The following PPP4R3B variants were observed in gnomAD, a reference collection of about 807,000 sequenced individuals.
PPP4R3B encodes the protein protein phosphatase 4 regulatory subunit 3B, also known as serine/threonine-protein phosphatase 4 regulatory subunit 3B.
PPP4R3B carries 52 observed loss-of-function variants against 95.4 expected under a neutral mutation model. The observed-to-expected ratio is 0.54, with a 90% confidence interval of 0.44 to 0.69. PPP4R3B has a LOEUF of 0.69. PPP4R3B is among the 30% of genes least tolerant of loss of function. The pLI, the probability that PPP4R3B is intolerant of heterozygous loss-of-function variation, is 0.00. For synonymous variants in PPP4R3B, 407 were observed against 343.9 expected (o/e 1.18, Z -2.03); for missense variants, 1,003 against 1,005.9 (o/e 1.00, Z 0.04).
At chr2:55,589,035 T>TA in intron 4 of PPP4R3B, 79 bp from the exon 5 acceptor site, 1 of 860,150 alleles carries the variant, frequency 1.2e-6, no homozygotes, top group Middle Eastern at 3.4e-4. Context: ...ACACAAATTA[T>TA]AAAAAATAGT....
At position 55,580,040 on chromosome 2, in the gene PPP4R3B, A is replaced by G. The variant is rs190886952; in HGVS notation, c.1366-259T>C. On this transcript the variant is annotated intron_variant, in intron 8 of 16. Transcript: ENST00000616407. ...AAATTAAGTCTACTTCATATTATGTACTAAGTAAAAATGAAGGCAAGATAA... is the reference window on the plus strand; with the variant it reads ...AAATTAAGTCTACTTCATATTATGTGCTAAGTAAAAATGAAGGCAAGATAA... Among the ~76,000 whole-genome samples the G allele has an allele frequency of 7.2e-5, 11 of 152,284 alleles. No individual in the cohort carries two copies. In the East Asian group the frequency reaches 2.1e-3, roughly 29 times the overall value.
intron 2 of PPP4R3B, among the ~76,000 whole-genome samples, chr2:55,610,803 T>C (rs894385493): frequency 1.3e-5 from 2 of 152,058 alleles, no homozygotes; most frequent in African/African-American, 2.4e-5. Flanking sequence ...AAAACTGCAA[T>C]GAGGATTTTC....
chr2:55,605,407 A>C (rs1693239808), intron 2 of PPP4R3B, among the ~76,000 whole-genome samples: 1 of 152,226 alleles, frequency 6.6e-6, no homozygotes, highest in Non-Finnish European at 1.5e-5. Context: ...GAAAATGGGA[A>C]CATTTCAGTA....
intron 7 of PPP4R3B, among the ~76,000 whole-genome samples, chr2:55,583,240 AT>A (rs923028780): frequency 6.6e-6 from 1 of 151,904 alleles, no homozygotes; most frequent in Non-Finnish European, 1.5e-5. Flanking sequence ...CTTAATTTGG[AT>A]TTTTTTTGGT....
chr2:55,605,339 T>C (rs1026075897), intron 2 of PPP4R3B, among the ~76,000 whole-genome samples: 2 of 152,164 alleles, frequency 1.3e-5, no homozygotes, highest in Admixed American at 1.3e-4. Flanking sequence ...CTTATAAATA[T>C]CATGACCTGA....
At chr2:55,607,516 G>T (rs1308688097) in intron 2 of PPP4R3B, among the ~76,000 whole-genome samples, 1 of 152,180 alleles carries the variant, frequency 6.6e-6, no homozygotes, top group Non-Finnish European at 1.5e-5. Context: ...ATATTTTAAA[G>T]GATACAAATG....
chr2:55,595,026 CTTT>C (rs201263689), intron 4 of PPP4R3B, among the ~76,000 whole-genome samples: 46 of 134,520 alleles, frequency 3.4e-4, no homozygotes, highest in African/African-American at 1.2e-3. Context: ...CCCTTTTAAA[CTTT>C]TTTTTTTTTT....
intron 1 of PPP4R3B, among the ~76,000 whole-genome samples, chr2:55,616,224 T>A (rs759903168): frequency 2.6e-4 from 39 of 152,138 alleles, no homozygotes; most frequent in Admixed American, 5.9e-4. Context: ...AAAAACATCA[T>A]GACAGGGATT....
chr2:55,607,607 T>G (rs774209030), intron 2 of PPP4R3B, among the ~76,000 whole-genome samples: 42 of 152,176 alleles, frequency 2.8e-4, no homozygotes, highest in Admixed American at 9.8e-4. Flanking sequence ...TCCAGGAACT[T>G]CCACTTAGTT....
chr2:55,612,019 C>T (rs1403262293), intron 2 of PPP4R3B, among the ~76,000 whole-genome samples: 3 of 152,126 alleles, frequency 2.0e-5, no homozygotes, highest in Admixed American at 2.0e-4. Flanking sequence ...AGGTGTGAGC[C>T]ACCATGCCTG....
intron 2 of PPP4R3B, among the ~76,000 whole-genome samples, chr2:55,605,073 G>C (rs1693198515): frequency 6.6e-6 from 1 of 152,082 alleles, no homozygotes; most frequent in African/African-American, 2.4e-5. Context: ...CTGGGCTCAA[G>C]CGATCCGCCT....
chr2:55,600,456 A>T (rs868721827), intron 3 of PPP4R3B, among the ~76,000 whole-genome samples: 2 of 144,640 alleles, frequency 1.4e-5, no homozygotes, highest in East Asian at 2.0e-4. Flanking sequence ...AAAAAAAAAA[A>T]GGCGGGCAGG....
chr2:55,602,459 C>T (rs1457633518), intron 3 of PPP4R3B, among the ~76,000 whole-genome samples: 1 of 152,154 alleles, frequency 6.6e-6, no homozygotes, highest in African/African-American at 2.4e-5. Context: ...GGGGACTTCA[C>T]CTATGCCAGA....
intron 15 of PPP4R3B, among the ~76,000 whole-genome samples, chr2:55,561,529 C>G (rs1686620669): frequency 6.6e-6 from 1 of 152,224 alleles, no homozygotes; most frequent in African/African-American, 2.4e-5. Flanking sequence ...GCACTCAACT[C>G]TAGCCCATGA....
rs567994599 is a variant in PPP4R3B at position 55,593,554 on chromosome 2, T to C, written c.922-4598A>G. On this transcript the variant is annotated intron_variant, in intron 4 of 16. Transcript: ENST00000616407. ...TAGGTATCTAGAAACACCTACTACC[T>C]AACCAAAAATTTCTACATGGAAATC... is the stretch of plus-strand genomic sequence containing the variant. Among the ~76,000 whole-genome samples, 6 of 152,232 alleles carry C rather than the reference T, an allele frequency of 3.9e-5. No homozygotes were observed. In the South Asian group the frequency reaches 8.3e-4, roughly 21 times the overall value.
At chr2:55,588,413 T>C (rs1690463558) in intron 5 of PPP4R3B, among the ~76,000 whole-genome samples, 1 of 150,614 alleles carries the variant, frequency 6.6e-6, no homozygotes, top group Non-Finnish European at 1.5e-5. Context: ...CTTGGGAGGC[T>C]GAGGCGGGAG....
At chr2:55,610,275 T>C (rs1174486202) in intron 2 of PPP4R3B, among the ~76,000 whole-genome samples, 2 of 152,198 alleles carry the variant, frequency 1.3e-5, no homozygotes, top group Admixed American at 1.3e-4. Flanking sequence ...GATCTTCTGC[T>C]CCACCCTATC....
chr2:55,552,155 T>A (rs1685321818), intron 16 of PPP4R3B, among the ~76,000 whole-genome samples: 1 of 152,216 alleles, frequency 6.6e-6, no homozygotes, highest in African/African-American at 2.4e-5. Context: ...AAAACATGTT[T>A]ACAATAAAAA....
At chr2:55,604,132 G>C (rs945437298) in intron 2 of PPP4R3B, 56 bp from the exon 3 acceptor site, 1 of 1,364,674 alleles carries the variant, frequency 7.3e-7, no homozygotes, top group South Asian at 1.4e-5. Flanking sequence ...TATCTACAAA[G>C]TACAAATAGA....
Sources: gnomAD v4.1 joint callset for allele counts (sites outside exome capture counted in the v4.1 genomes callset) on GRCh38, gnomAD v4.1.1 for gene constraint, MANE v1.5 for transcripts, NCBI Gene and HGNC (gene_info 2026-07-23, HGNC 2026-07-21) for gene names.